The following FBXL15 variants were observed in gnomAD, a reference collection of about 807,000 sequenced individuals.
FBXL15 encodes the protein F-box/LRR-repeat protein 15.
In FBXL15, 19 loss-of-function variants were observed where a neutral mutation model predicts 23.6. That is an observed-to-expected ratio of 0.81 (90% CI 0.56 to 1.18). FBXL15 has a LOEUF of 1.18. FBXL15 is among the 50% of genes most tolerant of loss of function. The probability of loss-of-function intolerance (pLI) is 0.00; values close to 1 mark genes in which losing one functional copy is unlikely to be tolerated. For missense variants in FBXL15, 385 were observed against 425.4 expected (o/e 0.91, Z 0.83); for synonymous variants, 224 against 207.7 (o/e 1.08, Z -0.67).
rs1320293872 is a variant in FBXL15, at chr10:102,421,938, C to T, written c.359C>T (p.Ala120Val). ...CGGAATCCGCAGCTGCGGAGTGTGG[C>T]GTTGGGCGGCTGCGGGCAACTGAGT... The part of the protein sequence containing the change: ...LARNPQLRSV[A>V]LGGCGQLSRR... Residue 120 changes from alanine (A) to valine (V), a missense_variant, in exon 3 of 4, where the codon GCG becomes GTG. By Grantham distance (64) the Ala-to-Val change is moderately conservative (BLOSUM62 0). Transcript: ENST00000369956. 6 of 1,603,386 alleles carry T rather than the reference C, an allele frequency of 3.7e-6. No individual in the cohort carries two copies. The highest frequency in any genetic ancestry group is 1.7e-4 in the Middle Eastern group (1 of 5,944).
intron 2 of FBXL15, 74 bp downstream of exon 2, chr10:102,421,581 A>C: frequency 2.1e-6 from 3 of 1,433,850 alleles, no homozygotes; most frequent in Non-Finnish European, 2.7e-6. Context: ...GCCCCGCAGT[A>C]TGCCCTTCTG....
rs774908895 is a variant in FBXL15, at chr10:102,421,064, G to A, written c.-66G>A. 6.4e-7 allele frequency: 1 copy of A among 1,562,896 alleles called. No homozygotes were observed. Among genetic ancestry groups the A allele is most frequent in the East Asian group, 2.4e-5 (1 of 41,948 alleles). On this transcript the variant is annotated 5_prime_UTR_variant, in exon 1 of 4. Transcript: ENST00000369956. ...TCTGTCTCTACAGGCCAAGGAGGCG[G>A]GTTTGGTGCGGCCACTCCAAGGCCA...
rs1351847111 is a variant in FBXL15, at chr10:102,421,163, C to CA, written c.36dup (p.Glu13ArgfsTer36). 1 of 1,611,106 alleles carries CA rather than the reference C, an allele frequency of 6.2e-7. No individual in the cohort carries two copies. The highest frequency in any genetic ancestry group is 8.5e-7 in the Non-Finnish European group (1 of 1,178,734). On this transcript the variant is annotated frameshift_variant, in exon 1 of 4. Transcript: ENST00000369956. LOFTEE classifies it high-confidence loss of function. ...ACCGATGGAGCCGTCCGGAGGGGAG[C>CA]AAGAGCCCGGAGCCGTCAGGTACCG...
rs912132411 is a variant in FBXL15, at chr10:102,422,100, C to T, written c.521C>T (p.Thr174Ile). The change falls in exon 3 of 4, where the codon ACC becomes ATC. Residue 174 changes from threonine to isoleucine, a missense_variant. Thr to Ile is a moderately conservative substitution (Grantham distance 89). Coordinates refer to ENST00000369956, the MANE Select transcript of FBXL15 (RefSeq NM_024326.4). ...RCPALEELDL[T>I]ACRQLKDEAI... Reference sequence around the variant, plus strand: ...CCGGCCCTGGAGGAGCTGGATCTCACCGCCTGCCGCCAGCTCAAGGACGAG... The same window carrying T: ...CCGGCCCTGGAGGAGCTGGATCTCATCGCCTGCCGCCAGCTCAAGGACGAG... 1 of 1,566,530 alleles carries T rather than the reference C, an allele frequency of 6.4e-7. No individual in the cohort carries two copies. Among genetic ancestry groups the T allele is most frequent in the African/African-American group, 1.3e-5 (1 of 74,130 alleles).
At chr10:102,422,410 A>C in intron 3 of FBXL15, 118 bp downstream of exon 3, 1 of 1,255,590 alleles carries the variant, frequency 8.0e-7, no homozygotes, top group African/African-American at 1.6e-5. Flanking sequence ...AAACCACAGC[A>C]CCCCCATTCT....
chr10:102,422,373 C>G lies in FBXL15; in HGVS notation c.713+81C>G, dbSNP rs546605481. On this transcript the variant is annotated intron_variant, in intron 3 of 3. Coordinates refer to ENST00000369956, the MANE Select transcript of FBXL15 (RefSeq NM_024326.4). ...GGGCGGGCTGTAGTTGTTAAAAGGC[C>G]GGACTGAGGGTTCTGAATCTTCCTG... 10 of 1,393,022 alleles carry G rather than the reference C, an allele frequency of 7.2e-6. No individual in the cohort carries two copies. The Admixed American group carries it at 2.8e-4, about 40-fold the overall frequency. The allele number at this position is 1,393,022 out of a possible 1,614,324, so 86.3% of individuals were successfully genotyped here. A position where few individuals can be genotyped will look rare whatever the true frequency, so the allele number is the denominator to read the frequency against.
rs905296393 is a variant in FBXL15, at chr10:102,422,237, G to C, written c.658G>C (p.Glu220Gln). The C allele has an allele frequency of 4.6e-6, 7 of 1,515,128 alleles. No individual in the cohort carries two copies. In the East Asian group the frequency reaches 1.6e-4, roughly 35 times the overall value. 93.9% of individuals were successfully genotyped at this position (1,515,128 alleles called of 1,614,324 possible). ...TCAAGAGTTGGCTCGGAACTGCCCAGAACTCCACCACCTTGACCTCACCGG... is the reference window on the plus strand; with the variant it reads ...TCAAGAGTTGGCTCGGAACTGCCCACAACTCCACCACCTTGACCTCACCGG... Reference protein sequence around the residue: ...AVQELARNCPELHHLDLTGCL... With the variant: ...AVQELARNCPQLHHLDLTGCL... The change falls in exon 3 of 4, where the codon GAA becomes CAA. Residue 220 changes from glutamate (E) to glutamine (Q), a missense_variant. This residue lies in a region of FBXL15 where 255 missense variants were observed against 330.2 expected (regional missense o/e 0.77). Coordinates refer to ENST00000369956, the MANE Select transcript of FBXL15 (RefSeq NM_024326.4).
Position 102,422,292 on chromosome 10 carries a change from G to A in FBXL15, c.713G>A (p.Arg238Lys), listed in dbSNP as rs1056509376. Reference sequence around the variant, plus strand: ...CTCCGCGTCGGAAGCGACGGTGTCAGGTGCCTGGGCCTGATAGGGCGGGAG... The same window carrying A: ...CTCCGCGTCGGAAGCGACGGTGTCAAGTGCCTGGGCCTGATAGGGCGGGAG... The part of the protein sequence containing the change: ...GCLRVGSDGV[R>K]TLAEYCPVLR... Residue 238 changes from arginine to lysine, a missense_variant and splice_region_variant, in exon 3 of 4, where the codon AGG becomes AAG. By Grantham distance (26) the Arg-to-Lys change is conservative. Transcript: ENST00000369956. 6.7e-7 allele frequency: 1 copy of A among 1,497,854 alleles called. No individual in the cohort carries two copies. Among genetic ancestry groups the A allele is most frequent in the Non-Finnish European group, 8.9e-7 (1 of 1,124,372 alleles). 92.8% of individuals were successfully genotyped at this position (1,497,854 alleles called of 1,614,324 possible).
In FBXL15 at chr10:102,422,182, C is replaced by G. The variant is rs2135468542; in HGVS notation, c.603C>G (p.Ala201=). ...CTGGTCTCCGCAGCCTCTCTCTGGCCGTCAACGCCAACGTGGGGGACGCCG... is the reference window on the plus strand; with the variant it reads ...CTGGTCTCCGCAGCCTCTCTCTGGCGGTCAACGCCAACGTGGGGGACGCCG... ...RGAGLRSLSL[A]VNANVGDAAV... Residue 201 remains alanine (A), a synonymous_variant, in exon 3 of 4, where the codon GCC becomes GCG. Transcript: ENST00000369956. 1.9e-6 allele frequency: 3 copies of G among 1,541,564 alleles called. No individual in the cohort carries two copies. In the African/African-American group the frequency reaches 4.1e-5, roughly 21 times the overall value.
In FBXL15 at chr10:102,422,178, T is replaced by C. The variant is rs1413382278; in HGVS notation, c.599T>C (p.Leu200Pro). Reference protein sequence around the residue: ...RRGAGLRSLSLAVNANVGDAA... With the variant: ...RRGAGLRSLSPAVNANVGDAA... ...GGCGCTGGTCTCCGCAGCCTCTCTCTGGCCGTCAACGCCAACGTGGGGGAC... is the reference window on the plus strand; with the variant it reads ...GGCGCTGGTCTCCGCAGCCTCTCTCCGGCCGTCAACGCCAACGTGGGGGAC... Residue 200 changes from leucine to proline, a missense_variant, in exon 3 of 4, where the codon CTG becomes CCG. Physicochemically the swap from Leu to Pro is moderately conservative, Grantham distance 98. This residue lies in a region of FBXL15 where 255 missense variants were observed against 330.2 expected (regional missense o/e 0.77). Coordinates refer to ENST00000369956, the MANE Select transcript of FBXL15 (RefSeq NM_024326.4). The C allele has an allele frequency of 6.5e-7, 1 of 1,543,292 alleles. No homozygotes were observed. The highest frequency in any genetic ancestry group is 8.7e-7 in the Non-Finnish European group (1 of 1,143,506).
rs1171362209 is a variant in FBXL15 at position 102,422,867 on chromosome 10, G to T, written c.777G>T (p.Ala259=). The change falls in exon 4 of 4, where the codon GCG becomes GCT. Residue 259 remains alanine (A), a synonymous_variant. Transcript: ENST00000369956. ...GGGTGCGGCACTGCCACCATGTGGCGGAGTCCAGCCTGAGCCGCTTGCGGA... is the reference window on the plus strand; with the variant it reads ...GGGTGCGGCACTGCCACCATGTGGCTGAGTCCAGCCTGAGCCGCTTGCGGA... ...SLRVRHCHHV[A]ESSLSRLRKR... is the part of the protein sequence containing the mutation. The T allele has an allele frequency of 6.2e-7, 1 of 1,610,864 alleles. No individual in the cohort carries two copies. Among genetic ancestry groups the T allele is most frequent in the Non-Finnish European group, 8.5e-7 (1 of 1,179,464 alleles).
chr10:102,421,134 A>C lies in FBXL15; in HGVS notation c.5A>C (p.Glu2Ala), dbSNP rs1196372358. 3.1e-6 allele frequency: 5 copies of C among 1,609,890 alleles called. No homozygotes were observed. The highest frequency in any genetic ancestry group is 1.7e-5 in the Admixed American group (1 of 59,584). ...CGCACGCGCAATAGACAGCCGATGG[A>C]GCCACCGATGGAGCCGTCCGGAGGG... M[E>A]PPMEPSGGEQ... is the part of the protein sequence containing the mutation. Residue 2 changes from glutamate (E) to alanine (A), a missense_variant, in exon 1 of 4, where the codon GAG (glutamate) becomes GCG (alanine). Transcript: ENST00000369956.
intron 1 of FBXL15, 82 bp downstream of exon 1, chr10:102,421,264 T>C (rs2061558256): frequency 6.4e-7 from 1 of 1,572,318 alleles, no homozygotes; most frequent in African/African-American, 1.4e-5. Context: ...GGGGCCGCTC[T>C]TGGGAGCTGG....
chr10:102,421,497 A>G lies in FBXL15; in HGVS notation c.197A>G (p.Asp66Gly), dbSNP rs778654298. The G allele has an allele frequency of 6.8e-7, 1 of 1,474,788 alleles. No homozygotes were observed. The highest frequency in any genetic ancestry group is 9.0e-7 in the Non-Finnish European group (1 of 1,114,492). 91.4% of individuals were successfully genotyped at this position (1,474,788 alleles called of 1,614,324 possible). Residue 66 changes from aspartate to glycine, a missense_variant, in exon 2 of 4, where the codon GAT becomes GGT. Transcript: ENST00000369956. Reference protein sequence around the residue: ...QLHLAGLRRFDAAQVGPQIPR... With the variant: ...QLHLAGLRRFGAAQVGPQIPR... Reference sequence around the variant, plus strand: ...CACCTGGCCGGGCTGCGTCGCTTCGATGCCGCGCAGGTGAGCCGGGGGCTG... The same window carrying G: ...CACCTGGCCGGGCTGCGTCGCTTCGGTGCCGCGCAGGTGAGCCGGGGGCTG...
intron 1 of FBXL15, 81 bp downstream of exon 1, chr10:102,421,263 C>A: frequency 6.4e-7 from 1 of 1,572,476 alleles, no homozygotes; most frequent in Admixed American, 1.9e-5. Flanking sequence ...GGGGGCCGCT[C>A]TTGGGAGCTG....
In FBXL15 at chr10:102,421,354, G is replaced by T. The variant is rs1295532409; in HGVS notation, c.54G>T (p.Arg18Ser). 20 of 1,552,298 alleles carry T rather than the reference G, an allele frequency of 1.3e-5. No homozygotes were observed. The East Asian group carries it at 3.9e-4, about 30-fold the overall frequency. Residue 18 changes from arginine (R) to serine (S), a missense_variant and splice_region_variant, in exon 2 of 4, where the codon AGG becomes AGT. Physicochemically the swap from Arg to Ser is moderately radical, Grantham distance 110. Transcript: ENST00000369956. ...AGTGCCAACGCCCCTTTACTCGCAG[G>T]TTCCTGGACCTGCCCTGGGAAGACG... ...SGGEQEPGAV[R>S]FLDLPWEDVL...
rs573667490 is a variant in FBXL15 at position 102,421,763 on chromosome 10, G to A, written c.208-24G>A. The A allele has an allele frequency of 2.0e-6, 3 of 1,533,868 alleles. No individual in the cohort carries two copies. In the African/African-American group the frequency reaches 4.1e-5, roughly 21 times the overall value. ...CTGAGGAGTGCGGGACGGGCTGAGA[G>A]TTGGGGTGCCTCCCCGCCCGCAGGT... On this transcript the variant is annotated intron_variant, in intron 2 of 3. Transcript: ENST00000369956.
chr10:102,421,277 C>T, intron 1 of FBXL15, 77 bp from the exon 2 acceptor site: 1 of 1,565,682 alleles, frequency 6.4e-7, no homozygotes, highest in Non-Finnish European at 8.6e-7. Context: ...GGAGCTGGGG[C>T]GCAGGAACAT....
chr10:102,421,866 C>T lies in FBXL15; in HGVS notation c.287C>T (p.Pro96Leu). 1.9e-6 allele frequency: 3 copies of T among 1,602,702 alleles called. No homozygotes were observed. Among genetic ancestry groups the T allele is most frequent in the Non-Finnish European group, 2.5e-6 (3 of 1,178,276 alleles). The change falls in exon 3 of 4, where the codon CCG becomes CTG. Residue 96 changes from proline to leucine, a missense_variant. Pro to Leu is a moderately conservative substitution (Grantham distance 98). This residue lies in a region of FBXL15 where 255 missense variants were observed against 330.2 expected (regional missense o/e 0.77). Transcript: ENST00000369956. Reference sequence around the variant, plus strand: ...GGGCTGCAGGAGCTGGCACTGGCGCCGTGTCACGAATGGCTGTCAGACGAG... The same window carrying T: ...GGGCTGCAGGAGCTGGCACTGGCGCTGTGTCACGAATGGCTGTCAGACGAG... Reference protein sequence around the residue: ...AEGLQELALAPCHEWLSDEDL... With the variant: ...AEGLQELALALCHEWLSDEDL...
Sources: allele counts gnomAD v4.1 joint callset, GRCh38; gene constraint gnomAD v4.1.1; regional missense constraint gnomAD v4.1.1; transcripts MANE v1.5; gene names NCBI Gene and HGNC (gene_info 2026-07-23, HGNC 2026-07-21).